CNTN1: variants seen among roughly 807,000 people sequenced by gnomAD.
The protein encoded by CNTN1 is contactin-1.
CNTN1 carries 38 observed loss-of-function variants against 126.4 expected under a neutral mutation model. The observed-to-expected ratio is 0.30, with a 90% confidence interval of 0.23 to 0.39. The LOEUF is 0.39. Ranked by LOEUF, CNTN1 falls within the 10% of genes least tolerant of loss-of-function variation. CNTN1 has a pLI of 1.00. For missense variants in CNTN1, 1,009 were observed against 1,248.4 expected, an observed-to-expected ratio of 0.81 and a Z score of 2.89; for synonymous variants, 413 against 422.6, an observed-to-expected ratio of 0.98 and a Z score of 0.28.
intron 1 of CNTN1, among the ~76,000 whole-genome samples, chr12:40,695,340 G>A (rs1941425509): frequency 6.6e-6 from 1 of 152,154 alleles, no homozygotes; most frequent in Admixed American, 6.5e-5. Flanking sequence ...AGGAGTAATG[G>A]ATGACATAAG....
intron 1 of CNTN1, among the ~76,000 whole-genome samples, chr12:40,852,676 T>G (rs1426135909): frequency 2.0e-5 from 3 of 152,130 alleles, no homozygotes; most frequent in Non-Finnish European, 4.4e-5. Context: ...AAGAACAATA[T>G]TTGCGTTCCA....
intron 23 of CNTN1, among the ~76,000 whole-genome samples, chr12:41,055,758 A>T (rs759473061): frequency 6.6e-6 from 1 of 152,174 alleles, no homozygotes; most frequent in Non-Finnish European, 1.5e-5. Flanking sequence ...GTTCCTGCCC[A>T]CTTAGTTAAA....
chr12:40,862,596 T>C (rs1185667540), intron 1 of CNTN1, among the ~76,000 whole-genome samples: 1 of 152,206 alleles, frequency 6.6e-6, no homozygotes, highest in Non-Finnish European at 1.5e-5. Flanking sequence ...TTTTTCACAT[T>C]GTTACACAGA....
At chr12:40,924,991 A>T (rs1206752029) in intron 6 of CNTN1, among the ~76,000 whole-genome samples, 21 of 150,668 alleles carry the variant, frequency 1.4e-4, no homozygotes, top group Admixed American at 1.3e-3. Flanking sequence ...CCAAGAAAGG[A>T]TGTATAATCA....
intron 1 of CNTN1, 82 bp from the exon 2 acceptor site, chr12:40,908,275 C>G: frequency 1.8e-6 from 1 of 562,232 alleles, no homozygotes. Context: ...CCCTTTCTTT[C>G]TTCTCCTCTC....
At chr12:40,781,403 T>G (rs1385393752) in intron 1 of CNTN1, among the ~76,000 whole-genome samples, 1 of 152,068 alleles carries the variant, frequency 6.6e-6, no homozygotes, top group Non-Finnish European at 1.5e-5. Flanking sequence ...TGGTTCAGGC[T>G]GGGCCATTGA....
At chr12:40,720,917 G>A (rs1942187407) in intron 1 of CNTN1, among the ~76,000 whole-genome samples, 1 of 147,972 alleles carries the variant, frequency 6.8e-6, no homozygotes, top group African/African-American at 2.5e-5. Flanking sequence ...TGTAACAGAG[G>A]AAGACTCTGT....
intron 1 of CNTN1, among the ~76,000 whole-genome samples, chr12:40,847,971 C>A (rs886946457): frequency 6.6e-6 from 1 of 152,164 alleles, no homozygotes; most frequent in Non-Finnish European, 1.5e-5. Context: ...ATAGAGTTTG[C>A]GCTCCTGTGA....
chr12:40,849,037 A>G (rs1942621065), intron 1 of CNTN1, among the ~76,000 whole-genome samples: 1 of 152,172 alleles, frequency 6.6e-6, no homozygotes, highest in Non-Finnish European at 1.5e-5. Context: ...AATAAATATT[A>G]GTGTGGTTGT....
At chr12:40,994,968 C>T (rs1173032894) in intron 17 of CNTN1, among the ~76,000 whole-genome samples, 2 of 151,960 alleles carry the variant, frequency 1.3e-5, no homozygotes, top group Admixed American at 1.3e-4. Context: ...GTCATATTAA[C>T]TTAGATAAAC....
At chr12:40,880,659 G>C (rs1178958700) in intron 1 of CNTN1, among the ~76,000 whole-genome samples, 3 of 152,020 alleles carry the variant, frequency 2.0e-5, no homozygotes, top group Non-Finnish European at 4.4e-5. Context: ...AAGTGTCAGA[G>C]AACCCAGCTA....
At chr12:41,068,628 A>G (rs1397690782) in intron 23 of CNTN1, among the ~76,000 whole-genome samples, 1 of 152,164 alleles carries the variant, frequency 6.6e-6, no homozygotes, top group Non-Finnish European at 1.5e-5. Flanking sequence ...ATTCAGGAGA[A>G]ATGCACTAAA....
intron 1 of CNTN1, among the ~76,000 whole-genome samples, chr12:40,865,365 T>A (rs1258937176): frequency 6.6e-6 from 1 of 152,150 alleles, no homozygotes; most frequent in Non-Finnish European, 1.5e-5. Flanking sequence ...AGTCTAATTC[T>A]ATTTTTGCTT....
At chr12:40,810,624 G>A (rs538066239) in intron 1 of CNTN1, among the ~76,000 whole-genome samples, 6 of 150,268 alleles carry the variant, frequency 4.0e-5, no homozygotes, top group Non-Finnish European at 8.8e-5. Context: ...TCACATATAA[G>A]TGAGATTACA....
chr12:40,738,517 CA>C (rs1429641357), intron 1 of CNTN1, among the ~76,000 whole-genome samples: 2 of 151,908 alleles, frequency 1.3e-5, no homozygotes, highest in Non-Finnish European at 2.9e-5. Context: ...TTCATTTTGA[CA>C]AAGGACATCA....
intron 1 of CNTN1, among the ~76,000 whole-genome samples, chr12:40,785,418 C>T (rs1939973985): frequency 1.3e-5 from 2 of 152,068 alleles, no homozygotes; most frequent in Admixed American, 6.6e-5. Context: ...TCTCACCTGT[C>T]TGTGTGAAGA....
chr12:40,991,127 G>T (rs1948085837), intron 16 of CNTN1, among the ~76,000 whole-genome samples: 1 of 152,134 alleles, frequency 6.6e-6, no homozygotes, highest in African/African-American at 2.4e-5. Context: ...CAAGGTGGTG[G>T]CAGGGCTGCA....
chr12:40,751,519 G>A (rs901460142), intron 1 of CNTN1, among the ~76,000 whole-genome samples: 7 of 152,032 alleles, frequency 4.6e-5, no homozygotes, highest in African/African-American at 1.4e-4. Flanking sequence ...TAAAGGAGGT[G>A]TCTCCAGGGC....
intron 7 of CNTN1, among the ~76,000 whole-genome samples, chr12:40,931,955 C>T (rs1207266933): frequency 3.3e-5 from 5 of 152,054 alleles, no homozygotes; most frequent in African/African-American, 1.2e-4. Context: ...TTCACTGTAA[C>T]TATGCCCTAG....
Sources: gnomAD v4.1 joint callset for allele counts (sites outside exome capture counted in the v4.1 genomes callset) on GRCh38, gnomAD v4.1.1 for gene constraint, MANE v1.5 for transcripts, NCBI Gene and HGNC (gene_info 2026-07-23, HGNC 2026-07-21) for gene names.